Variants in EXT1 observed in about 807,000 individuals in gnomAD.
EXT1 encodes the protein exostosin-1.
In EXT1, 20 loss-of-function variants were observed where a neutral mutation model predicts 82.5. The observed-to-expected ratio is 0.24, with a 90% CI of 0.17 to 0.35. The LOEUF (loss-of-function observed/expected upper bound fraction) is 0.35. EXT1 is among the 10% of genes least tolerant of loss of function. EXT1 has a pLI of 1.00. For synonymous variants in EXT1, 348 were observed against 350.8 expected, an observed-to-expected ratio of 0.99 and a Z score of 0.09; for missense variants, 757 against 936.5, an observed-to-expected ratio of 0.81 and a Z score of 2.50.
At chr8:118,021,214 T>C (rs1816097900) in intron 1 of EXT1, among the ~76,000 whole-genome samples, 1 of 152,226 alleles carries the variant, frequency 6.6e-6, no homozygotes, top group African/African-American at 2.4e-5. Context: ...GTTGCTTCTA[T>C]GAATACGCTT....
At chr8:118,068,880 T>C (rs555766731) in intron 1 of EXT1, among the ~76,000 whole-genome samples, 1 of 152,220 alleles carries the variant, frequency 6.6e-6, no homozygotes, top group Non-Finnish European at 1.5e-5. Flanking sequence ...ACCATTGCTG[T>C]TGTGTTACTG....
At chr8:118,088,319 G>A (rs553410266) in intron 1 of EXT1, among the ~76,000 whole-genome samples, 6 of 152,184 alleles carry the variant, frequency 3.9e-5, no homozygotes, top group South Asian at 2.1e-4. Flanking sequence ...TTATGAAATC[G>A]GGTAGATCCC....
intron 1 of EXT1, among the ~76,000 whole-genome samples, chr8:117,872,443 C>T (rs1440653044): frequency 2.0e-5 from 3 of 151,746 alleles, no homozygotes; most frequent in Non-Finnish European, 2.9e-5. Flanking sequence ...AACAATTTAT[C>T]CAGCTCAATG....
At chr8:117,812,257 A>G (rs938250961) in intron 8 of EXT1, among the ~76,000 whole-genome samples, 2 of 152,180 alleles carry the variant, frequency 1.3e-5, no homozygotes, top group African/African-American at 4.8e-5. Context: ...GTTTTCTACC[A>G]TATCTATCTT....
intron 1 of EXT1, among the ~76,000 whole-genome samples, chr8:118,013,455 C>T (rs543995264): frequency 1.9e-3 from 292 of 152,234 alleles, no homozygotes; most frequent in Non-Finnish European, 3.2e-3. Flanking sequence ...ATGATCCACC[C>T]GCCTCGGCCT....
chr8:118,106,364 C>T (rs1817803157), intron 1 of EXT1, among the ~76,000 whole-genome samples: 1 of 152,182 alleles, frequency 6.6e-6, no homozygotes, highest in South Asian at 2.1e-4. Context: ...TCTGGTGCTA[C>T]CCTTGTCACT....
chr8:118,085,063 A>G (rs890527280), intron 1 of EXT1, among the ~76,000 whole-genome samples: 12 of 152,256 alleles, frequency 7.9e-5, no homozygotes, highest in Non-Finnish European at 1.5e-4. Flanking sequence ...TCGATTGTTA[A>G]GCATCATACA....
intron 1 of EXT1, among the ~76,000 whole-genome samples, chr8:117,940,210 C>G (rs1345512720): frequency 1.3e-5 from 2 of 152,246 alleles, no homozygotes; most frequent in African/African-American, 2.4e-5. Context: ...CCCATGTGGA[C>G]AGCAGATGAC....
chr8:117,851,331 C>T (rs750703989), intron 1 of EXT1, among the ~76,000 whole-genome samples: 4 of 150,984 alleles, frequency 2.6e-5, no homozygotes, highest in Non-Finnish European at 4.4e-5. Context: ...TTTAGAGTCC[C>T]ATTCTCACCC....
chr8:118,002,085 G>A (rs904104786), intron 1 of EXT1, among the ~76,000 whole-genome samples: 2 of 152,152 alleles, frequency 1.3e-5, no homozygotes, highest in Non-Finnish European at 2.9e-5. Flanking sequence ...TTTAAGCTGA[G>A]AAGATAGGAA....
intron 1 of EXT1, among the ~76,000 whole-genome samples, chr8:117,982,169 G>A (rs1815220612): frequency 6.6e-6 from 1 of 152,154 alleles, no homozygotes; most frequent in Non-Finnish European, 1.5e-5. Flanking sequence ...GTGTCAGTCG[G>A]CCACGTCCTT....
At position 118,020,451 on chromosome 8, in the gene EXT1, C is replaced by T. The variant is rs180870787; in HGVS notation, c.962+89634G>A. On this transcript the variant is annotated intron_variant, in intron 1 of 10. Transcript: ENST00000378204. ...TATTTTAATTGTGTTATTTAAAACACGTTATAGATGCTATGATAATCCTCT... is the reference window on the plus strand; with the variant it reads ...TATTTTAATTGTGTTATTTAAAACATGTTATAGATGCTATGATAATCCTCT... Among the ~76,000 whole-genome samples the T allele has an allele frequency of 1.1e-3, 175 of 152,268 alleles. 2 individuals carry two copies. The highest frequency in any genetic ancestry group is 2.4e-4 in the Non-Finnish European group (16 of 68,020).
rs1817385085 is a variant in EXT1, at chr8:118,084,473, T to G, written c.962+25612A>C. 2.6e-5 allele frequency among the ~76,000 whole-genome samples: 4 copies of G among 152,214 alleles called. No homozygotes were observed. In the South Asian group the frequency reaches 8.3e-4, roughly 31 times the overall value. Reference sequence around the variant, plus strand: ...AAAGACTGCAGGGATCAGATTTTCATGCAGCAATTCAACAACCAAGCAAGA... The same window carrying G: ...AAAGACTGCAGGGATCAGATTTTCAGGCAGCAATTCAACAACCAAGCAAGA... On this transcript the variant is annotated intron_variant, in intron 1 of 10. Transcript: ENST00000378204.
intron 4 of EXT1, among the ~76,000 whole-genome samples, chr8:117,826,437 T>G (rs766166451): frequency 4.6e-5 from 7 of 152,196 alleles, no homozygotes; most frequent in Non-Finnish European, 8.8e-5. Flanking sequence ...TGAGTAACTA[T>G]GAATTATTCT....
At chr8:117,864,437 T>C (rs1812737680) in intron 1 of EXT1, among the ~76,000 whole-genome samples, 1 of 151,968 alleles carries the variant, frequency 6.6e-6, no homozygotes, top group Non-Finnish European at 1.5e-5. Flanking sequence ...CTAACACTAA[T>C]GATAGCTGAT....
chr8:117,851,128 G>A (rs1587010444), intron 1 of EXT1, among the ~76,000 whole-genome samples: 2 of 152,034 alleles, frequency 1.3e-5, no homozygotes, highest in East Asian at 3.9e-4. Context: ...AATAACAAGG[G>A]AGGGAATCAT....
At chr8:118,004,855 A>G (rs1465124647) in intron 1 of EXT1, among the ~76,000 whole-genome samples, 1 of 152,176 alleles carries the variant, frequency 6.6e-6, no homozygotes, top group Admixed American at 6.5e-5. Flanking sequence ...GTTAGGGTGA[A>G]GTATTTTGAT....
chr8:117,836,727 C>T (rs533332029), intron 2 of EXT1, among the ~76,000 whole-genome samples: 26 of 152,204 alleles, frequency 1.7e-4, no homozygotes, highest in African/African-American at 5.8e-4. Context: ...TTGAAAGGAA[C>T]TGAGAGACAA....
At chr8:117,930,466 T>C (rs1416727015) in intron 1 of EXT1, among the ~76,000 whole-genome samples, 4 of 152,142 alleles carry the variant, frequency 2.6e-5, no homozygotes, top group Non-Finnish European at 5.9e-5. Flanking sequence ...TGGAAGATTA[T>C]AGACTTATCT....
Sources: allele counts gnomAD v4.1 joint callset (sites outside exome capture counted in the v4.1 genomes callset), GRCh38; gene constraint gnomAD v4.1.1; transcripts MANE v1.5; gene names NCBI Gene and HGNC (gene_info 2026-07-23, HGNC 2026-07-21).